The following USP34 variants were observed in gnomAD, a reference collection of about 807,000 sequenced individuals.
The protein encoded by USP34 is ubiquitin carboxyl-terminal hydrolase 34.
USP34 carries 70 observed loss-of-function variants against 460.3 expected under a neutral mutation model. That is an observed-to-expected ratio of 0.15 (90% confidence interval 0.13 to 0.19). The LOEUF (loss-of-function observed/expected upper bound fraction) is 0.19. USP34 is among the 10% of genes least tolerant of loss of function. The probability of loss-of-function intolerance (pLI) is 1.00; values close to 1 mark genes in which losing one functional copy is unlikely to be tolerated. For synonymous variants in USP34, 1,647 were observed against 1,405.3 expected (o/e 1.17, Z -3.85); for missense variants, 3,985 against 4,236.2 (o/e 0.94, Z 1.65).
chr2:61,448,394 G>T (rs570998338), intron 1 of USP34, among the ~76,000 whole-genome samples: 53 of 152,128 alleles, frequency 3.5e-4, no homozygotes, highest in Admixed American at 6.5e-4. Context: ...CAAGTCTGTA[G>T]TAAGCTGATA....
At chr2:61,430,025 A>G (rs1263009875) in intron 1 of USP34, among the ~76,000 whole-genome samples, 1 of 152,146 alleles carries the variant, frequency 6.6e-6, no homozygotes, top group Non-Finnish European at 1.5e-5. Flanking sequence ...CATCCTGGCT[A>G]ACACGGTGAA....
intron 1 of USP34, among the ~76,000 whole-genome samples, chr2:61,446,034 AC>A (rs767668570): frequency 3.4e-5 from 5 of 147,048 alleles, no homozygotes; most frequent in Non-Finnish European, 7.4e-5. Context: ...AATCACCTGA[AC>A]CCAGGAAGGC....
At chr2:61,425,962 CAG>C (rs1297173037) in intron 1 of USP34, among the ~76,000 whole-genome samples, 3 of 151,916 alleles carry the variant, frequency 2.0e-5, no homozygotes, top group South Asian at 2.1e-4. Flanking sequence ...GGGCACCGCT[CAG>C]AGTCATGAGG....
In USP34 at chr2:61,223,092, G is replaced by C; in HGVS notation, c.7717C>G (p.Leu2573Val). Residue 2573 changes from leucine (L) to valine (V), a missense_variant, in exon 64 of 80, where the codon CTG (leucine) becomes GTG (valine). Around this residue, in one of 14 missense-constraint regions of USP34, gnomAD observed 604 missense variants for 684.8 expected, o/e 0.88. Coordinates refer to ENST00000398571, the MANE Select transcript of USP34 (RefSeq NM_014709.4). Reference protein sequence around the residue: ...IRQTCNLIFSLCRYNNRLAEH... With the variant: ...IRQTCNLIFSVCRYNNRLAEH... The stretch of plus-strand genomic sequence containing the variant: ...GCAAGTCGATTATTGTATCGACACA[G>C]GCTGAAAATCAGATTACAAGTTTGT... 1 of 1,613,928 alleles carries C rather than the reference G, an allele frequency of 6.2e-7. No homozygotes were observed. Among genetic ancestry groups the C allele is most frequent in the Non-Finnish European group, 8.5e-7 (1 of 1,179,848 alleles).
At chr2:61,276,488 T>C (rs1271982978) in intron 41 of USP34, among the ~76,000 whole-genome samples, 1 of 152,182 alleles carries the variant, frequency 6.6e-6, no homozygotes, top group Non-Finnish European at 1.5e-5. Context: ...ATTTTATACA[T>C]GCGTATTTAC....
intron 1 of USP34, among the ~76,000 whole-genome samples, chr2:61,467,057 G>C (rs1356893919): frequency 6.6e-6 from 1 of 152,024 alleles, no homozygotes; most frequent in Admixed American, 6.6e-5. Flanking sequence ...TGTAATCCTA[G>C]CATTTTGGGA....
chr2:61,266,374 T>G (rs1487543485), intron 41 of USP34, among the ~76,000 whole-genome samples: 4 of 152,208 alleles, frequency 2.6e-5, no homozygotes, highest in Non-Finnish European at 5.9e-5. Flanking sequence ...CTCTCCTTTT[T>G]GATACCTAAT....
At chr2:61,325,096 G>A (rs1458839685) in intron 21 of USP34, among the ~76,000 whole-genome samples, 2 of 152,032 alleles carry the variant, frequency 1.3e-5, no homozygotes, top group African/African-American at 2.4e-5. Flanking sequence ...GTCTCCAAAA[G>A]GGGATATGGC....
At chr2:61,253,862 G>A (rs950116095) in intron 48 of USP34, among the ~76,000 whole-genome samples, 2 of 151,864 alleles carry the variant, frequency 1.3e-5, no homozygotes, top group South Asian at 2.1e-4. Context: ...ACCCTCCCAA[G>A]TAGCTGGGAC....
intron 75 of USP34, among the ~76,000 whole-genome samples, chr2:61,196,069 A>ATTTTTTTTTTTTTTTTTTTTTTTT (rs71403398): frequency 4.8e-5 from 2 of 41,576 alleles, no homozygotes; most frequent in African/African-American, 1.1e-4. Context: ...ACCATGCACG[A>ATTTTTTTTTTTTTTTTTTTTTTTT]TTTTTTTTTT....
intron 58 of USP34, among the ~76,000 whole-genome samples, chr2:61,230,219 CT>C (rs1280630945): frequency 6.6e-6 from 1 of 152,158 alleles, no homozygotes; most frequent in Non-Finnish European, 1.5e-5. Context: ...ATGTCAAACA[CT>C]GCAGTCACTA....
chr2:61,384,350 A>T (rs1054523712), intron 5 of USP34, among the ~76,000 whole-genome samples: 3 of 152,194 alleles, frequency 2.0e-5, no homozygotes, highest in African/African-American at 7.2e-5. Flanking sequence ...TCTGATACTG[A>T]GTCTTGACAC....
rs149914232 is a variant in USP34, at chr2:61,440,021, C to T, written c.44-19188G>A. 1.8e-4 allele frequency among the ~76,000 whole-genome samples: 28 copies of T among 152,298 alleles called. 1 individual carries two copies. Among genetic ancestry groups the T allele is most frequent in the Admixed American group, 5.2e-4 (8 of 15,294 alleles). On this transcript the variant is annotated intron_variant, in intron 1 of 79. Coordinates refer to ENST00000398571, the MANE Select transcript of USP34 (RefSeq NM_014709.4). Reference sequence around the variant, plus strand: ...GGCAGTGTGAGCTCCCCAAGACAAGCTGCAAGGCCCTGGGCATCAGGCTGT... The same window carrying T: ...GGCAGTGTGAGCTCCCCAAGACAAGTTGCAAGGCCCTGGGCATCAGGCTGT...
In USP34 at chr2:61,208,931, C is replaced by A. The variant is rs749819141; in HGVS notation, c.8887G>T (p.Val2963Leu). The A allele has an allele frequency of 1.9e-6, 3 of 1,594,718 alleles. No individual in the cohort carries two copies. The Admixed American group carries it at 5.2e-5, about 28-fold the overall frequency. The change falls in exon 70 of 80, where the codon GTA (valine) becomes TTA (leucine). Residue 2963 changes from valine (V) to leucine (L), a missense_variant. This residue lies in a region of USP34 where 275 missense variants were observed against 292.7 expected (regional missense o/e 0.94). Transcript: ENST00000398571. Reference sequence around the variant, plus strand: ...ATTAGAATCAATCCTCGATTAAATACAACAAGAAGTCTGTCTTCATCAGAT... The same window carrying A: ...ATTAGAATCAATCCTCGATTAAATAAAACAAGAAGTCTGTCTTCATCAGAT... ...LESDEDRLLV[V>L]FNRGLILMTE... is the part of the protein sequence containing the mutation.
At position 61,369,996 on chromosome 2, in the gene USP34, A is replaced by C. The variant is rs555624102; in HGVS notation, c.1251+325T>G. On this transcript the variant is annotated intron_variant, in intron 10 of 79. Coordinates refer to ENST00000398571, the MANE Select transcript of USP34 (RefSeq NM_014709.4). ...TATATGCCTATTTAAAAAAAAAAAA[A>C]AAAAAACAGTACATCAGACAAGAAA... is the stretch of plus-strand genomic sequence containing the variant. 1.9e-3 allele frequency among the ~76,000 whole-genome samples: 289 copies of C among 151,782 alleles called. 5 individuals are homozygous for C. The East Asian group carries it at 0.046, about 24-fold the overall frequency.
intron 34 of USP34, among the ~76,000 whole-genome samples, chr2:61,286,078 T>C (rs1689681083): frequency 6.6e-6 from 1 of 152,088 alleles, no homozygotes; most frequent in African/African-American, 2.4e-5. Context: ...CTGGCAGAAG[T>C]GAGAAAACTT....
chr2:61,226,323 T>G (rs1687724743), intron 62 of USP34, among the ~76,000 whole-genome samples: 1 of 152,230 alleles, frequency 6.6e-6, no homozygotes, highest in Non-Finnish European at 1.5e-5. Flanking sequence ...TATGCACACG[T>G]CTGTGAATGA....
At chr2:61,230,781 T>C (rs1687869994) in intron 58 of USP34, among the ~76,000 whole-genome samples, 1 of 150,984 alleles carries the variant, frequency 6.6e-6, no homozygotes, top group Admixed American at 6.6e-5. Flanking sequence ...GAGGCGGAAG[T>C]TGCAGTGAGC....
intron 20 of USP34, among the ~76,000 whole-genome samples, chr2:61,328,512 T>A (rs1266526001): frequency 6.6e-6 from 1 of 152,172 alleles, no homozygotes; most frequent in Non-Finnish European, 1.5e-5. Flanking sequence ...ACACTTGTTT[T>A]ACAGCCTGAA....
Sources: allele counts gnomAD v4.1 joint callset (sites outside exome capture counted in the v4.1 genomes callset), GRCh38; gene constraint gnomAD v4.1.1; regional missense constraint gnomAD v4.1.1; transcripts MANE v1.5; gene names NCBI Gene and HGNC (gene_info 2026-07-23, HGNC 2026-07-21).